The following CADPS variants were observed in gnomAD, a reference collection of about 807,000 sequenced individuals.
CADPS encodes calcium-dependent secretion activator 1.
Under a neutral mutation model 167.3 loss-of-function variants are expected in CADPS, and 57 were observed. The ratio of observed to expected loss-of-function variants is 0.34; its 90% confidence interval spans 0.28 to 0.42. The LOEUF (loss-of-function observed/expected upper bound fraction) is 0.42. Among genes scored for constraint, CADPS ranks in the 20% least tolerant of loss-of-function variants. The pLI, the probability that CADPS is intolerant of heterozygous loss-of-function variation, is 1.00. For missense variants in CADPS, 1,414 were observed against 1,738.1 expected (o/e 0.81, Z 3.32); for synonymous variants, 676 against 635.3 (o/e 1.06, Z -0.96).
chr3:62,500,924 A>T (rs945778940), intron 17 of CADPS, among the ~76,000 whole-genome samples: 23 of 152,252 alleles, frequency 1.5e-4, no homozygotes, highest in Non-Finnish European at 2.9e-4. Flanking sequence ...CTATGCAAGA[A>T]GAGTGTTCTA....
chr3:62,663,148 C>T (rs962368403), intron 3 of CADPS, among the ~76,000 whole-genome samples: 8 of 152,058 alleles, frequency 5.3e-5, no homozygotes, highest in African/African-American at 1.9e-4. Context: ...GTAAAGGGAC[C>T]TATATTCAAA....
chr3:62,697,997 C>T (rs2080655007), intron 3 of CADPS, among the ~76,000 whole-genome samples: 1 of 151,700 alleles, frequency 6.6e-6, no homozygotes, highest in African/African-American at 2.4e-5. Flanking sequence ...GGATATTAGT[C>T]CTTTGTCAGA....
At chr3:62,847,345 G>T in intron 1 of CADPS, among the ~76,000 whole-genome samples, 1 of 117,754 alleles carries the variant, frequency 8.5e-6, no homozygotes, top group Non-Finnish European at 1.7e-5. Context: ...AGTTACATAT[G>T]TATACATGTG....
At chr3:62,702,702 A>G (rs2081612516) in intron 3 of CADPS, among the ~76,000 whole-genome samples, 1 of 152,146 alleles carries the variant, frequency 6.6e-6, no homozygotes, top group South Asian at 2.1e-4. Context: ...CTTCTTCATT[A>G]TGACAGCTAC....
At chr3:62,692,817 T>C (rs2079436793) in intron 3 of CADPS, among the ~76,000 whole-genome samples, 2 of 152,048 alleles carry the variant, frequency 1.3e-5, no homozygotes, top group Non-Finnish European at 2.9e-5. Flanking sequence ...GTTTGAATTT[T>C]AGATTAATTT....
chr3:62,674,406 A>C (rs528139040), intron 3 of CADPS, among the ~76,000 whole-genome samples: 2 of 152,272 alleles, frequency 1.3e-5, no homozygotes, highest in South Asian at 4.1e-4. Context: ...GTCTACCTAC[A>C]TGTATCATTA....
intron 6 of CADPS, among the ~76,000 whole-genome samples, chr3:62,621,506 TA>T (rs1228232062): frequency 6.6e-6 from 1 of 152,158 alleles, no homozygotes; most frequent in Non-Finnish European, 1.5e-5. Flanking sequence ...TTTTAAAACT[TA>T]ATGTGGTATA....
intron 1 of CADPS, among the ~76,000 whole-genome samples, chr3:62,822,227 G>A (rs1215210358): frequency 1.3e-5 from 2 of 152,204 alleles, no homozygotes; most frequent in Non-Finnish European, 2.9e-5. Flanking sequence ...ACAAAGCAGA[G>A]GGGATTATTT....
intron 27 of CADPS, chr3:62,440,226 TCTC>T (rs2056030462): frequency 1.3e-5 from 2 of 152,112 alleles, no homozygotes; most frequent in African/African-American, 4.8e-5. Context: ...CCTTTCTCCA[TCTC>T]CTCCTTTTTC....
intron 2 of CADPS, among the ~76,000 whole-genome samples, chr3:62,756,738 G>A (rs1278146778): frequency 6.6e-6 from 1 of 152,162 alleles, no homozygotes; most frequent in Non-Finnish European, 1.5e-5. Context: ...ATAGGTGAAT[G>A]GAGAGCTGTA....
At chr3:62,822,063 G>C (rs1005394943) in intron 1 of CADPS, among the ~76,000 whole-genome samples, 2 of 152,118 alleles carry the variant, frequency 1.3e-5, no homozygotes, top group Non-Finnish European at 2.9e-5. Context: ...CCCATTCTTG[G>C]AGTCTCTCTT....
At chr3:62,760,757 A>G (rs2085199489) in intron 2 of CADPS, among the ~76,000 whole-genome samples, 1 of 152,204 alleles carries the variant, frequency 6.6e-6, no homozygotes, top group Non-Finnish European at 1.5e-5. Context: ...TTTTAGAAAA[A>G]TAGCCAGTGT....
chr3:62,698,099 T>C (rs13099829), intron 3 of CADPS, among the ~76,000 whole-genome samples: 12,079 of 152,136 alleles, frequency 0.079, 635 homozygotes, highest in Non-Finnish European at 0.12. Context: ...ATCCTTACTT[T>C]CCTCTTCTTT....
intron 9 of CADPS, among the ~76,000 whole-genome samples, chr3:62,569,632 C>T (rs1486023469): frequency 2.0e-5 from 3 of 152,222 alleles, no homozygotes; most frequent in East Asian, 1.9e-4. Flanking sequence ...TCATTTAGAC[C>T]TAAAAGGGAG....
At chr3:62,494,208 G>C (rs114284337) in intron 18 of CADPS, among the ~76,000 whole-genome samples, 1 of 152,242 alleles carries the variant, frequency 6.6e-6, no homozygotes, top group East Asian at 1.9e-4. Flanking sequence ...TTTTATTGTA[G>C]TTTCACCACC....
chr3:62,408,474 A>AC (rs2048326216), intron 28 of CADPS, among the ~76,000 whole-genome samples: 1 of 152,100 alleles, frequency 6.6e-6, no homozygotes, highest in African/African-American at 2.4e-5. Context: ...TGGAAACTTT[A>AC]CCCCCTGGAA....
At chr3:62,838,192 T>C (rs930058535) in intron 1 of CADPS, among the ~76,000 whole-genome samples, 3 of 152,208 alleles carry the variant, frequency 2.0e-5, no homozygotes, top group Non-Finnish European at 2.9e-5. Context: ...TCGGCGCATA[T>C]ATTACTGACC....
chr3:62,699,433 T>C (rs576015578), intron 3 of CADPS, among the ~76,000 whole-genome samples: 1 of 152,290 alleles, frequency 6.6e-6, no homozygotes, highest in South Asian at 2.1e-4. Context: ...CCAGAGATTC[T>C]AATCTAAGTG....
intron 1 of CADPS, among the ~76,000 whole-genome samples, chr3:62,792,315 C>T (rs1156417699): frequency 6.6e-6 from 1 of 151,722 alleles, no homozygotes; most frequent in East Asian, 2.0e-4. Context: ...GTGATCCTCT[C>T]ACCTTAGCCT....
Sources: allele counts gnomAD v4.1 joint callset (sites outside exome capture counted in the v4.1 genomes callset), GRCh38; gene constraint gnomAD v4.1.1; transcripts MANE v1.5; gene names NCBI Gene and HGNC (gene_info 2026-07-23, HGNC 2026-07-21).